NAT16: variants seen among roughly 807,000 people sequenced by gnomAD.
The protein encoded by NAT16 is probable N-acetyltransferase 16.
A neutral mutation model predicts 15.9 loss-of-function variants in NAT16; 16 were observed. That is an observed-to-expected ratio of 1.01 (90% confidence interval 0.68 to 1.53). NAT16 has a LOEUF of 1.53. Among genes scored for constraint, NAT16 ranks in the 40% most tolerant of loss-of-function variants. NAT16 has a pLI of 0.00. For missense variants in NAT16, 572 were observed against 508.4 expected (o/e 1.13, Z -1.20); for synonymous variants, 260 against 241.9 (o/e 1.07, Z -0.69).
chr7:101,173,945 G>T (rs1453587348), intron 2 of NAT16: 7 of 210,866 alleles, frequency 3.3e-5, no homozygotes, highest in Non-Finnish European at 5.6e-5. Flanking sequence ...GCCCAGGCTG[G>T]TCTGGAACTC....
At chr7:101,178,710 T>TAA (rs386410830) in intron 1 of NAT16, among the ~76,000 whole-genome samples, 28,039 of 72,558 alleles carry the variant, frequency 0.39, 6,767 homozygotes, top group Non-Finnish European at 0.5. Flanking sequence ...CTCTCTCTAC[T>TAA]AAAAAAAAAA....
In NAT16 at chr7:101,172,216, C is replaced by A. The variant is rs1282544886; in HGVS notation, c.973G>T (p.Val325Phe). Reference protein sequence around the residue: ...WHLQRQAPRLVGLNVMCQLFL... With the variant: ...WHLQRQAPRLFGLNVMCQLFL... ...AGCTGGCACATGACGTTGAGGCCAA[C>A]GAGGCGCGGGGCCTGGCGCTGCAGG... Residue 325 changes from valine (V) to phenylalanine (F), a missense_variant, in exon 4 of 4, where the codon GTT becomes TTT. Transcript: ENST00000300303. The surrounding 1 kb of genome is among the most constrained non-coding windows in gnomAD (Gnocchi z 4.2). 1.2e-6 allele frequency: 2 copies of A among 1,613,694 alleles called. No homozygotes were observed. Among genetic ancestry groups the A allele is most frequent in the Non-Finnish European group, 1.7e-6 (2 of 1,179,892 alleles).
chr7:101,179,308 C>G (rs1076276), intron 1 of NAT16: 78,710 of 149,260 alleles, frequency 0.53, 22,752 homozygotes, highest in Admixed American at 0.63. Flanking sequence ...GCAGGGAAGC[C>G]GGAGGAGGCT....
chr7:101,174,203 C>G (rs740106), intron 2 of NAT16: 29,239 of 503,714 alleles, frequency 0.058, 1,845 homozygotes, highest in African/African-American at 0.23. Flanking sequence ...CCTCTCTCTC[C>G]TGCTCCCCAC....
At chr7:101,175,529 T>G (rs1797444553) in intron 1 of NAT16, among the ~76,000 whole-genome samples, 1 of 151,442 alleles carries the variant, frequency 6.6e-6, no homozygotes, top group South Asian at 2.1e-4. Context: ...GGATGCTCCC[T>G]AACAGTCAGA....
chr7:101,175,453 C>T (rs1797443417), intron 1 of NAT16, among the ~76,000 whole-genome samples: 1 of 151,866 alleles, frequency 6.6e-6, no homozygotes, highest in African/African-American at 2.4e-5. Flanking sequence ...GAGTGGAGGT[C>T]TCCCAGCTCC....
intron 2 of NAT16, chr7:101,174,049 C>T: frequency 3.9e-6 from 1 of 254,510 alleles, no homozygotes; most frequent in Non-Finnish European, 7.4e-6. Flanking sequence ...TCTTGAGATG[C>T]TCCAGCTCCG....
chr7:101,172,890 G>A lies in NAT16; in HGVS notation c.538-239C>T, dbSNP rs948171691. The stretch of plus-strand genomic sequence containing the variant: ...AGTACGTGGATCCCCAAGAAGAGGT[G>A]GGATCAGTATGGAGTAGCCAGGGAA... On this transcript the variant is annotated intron_variant, in intron 3 of 3. Coordinates refer to ENST00000300303, the MANE Select transcript of NAT16 (RefSeq NM_198571.3). This position sits in a 1 kb window ranked among gnomAD's most constrained non-coding sequence, Gnocchi z 4.2. Among the ~76,000 whole-genome samples the A allele has an allele frequency of 1.3e-5, 2 of 152,160 alleles. No homozygotes were observed. The highest frequency in any genetic ancestry group is 1.3e-4 in the Admixed American group (2 of 15,286).
At chr7:101,173,245 C>G (rs1187800223) in intron 3 of NAT16, 51 bp downstream of exon 3, 1 of 1,505,130 alleles carries the variant, frequency 6.6e-7, no homozygotes, top group Non-Finnish European at 9.2e-7. Flanking sequence ...AGGGTCTCCC[C>G]ATATGCCCCA....
In NAT16 at chr7:101,179,616, T is replaced by C. The variant is rs551138971; in HGVS notation, c.-5+426A>G. Among the ~76,000 whole-genome samples, 6 of 109,770 alleles carry C rather than the reference T, an allele frequency of 5.5e-5. No homozygotes were observed. The South Asian group carries it at 2.1e-3, about 38-fold the overall frequency. The allele number at this position is 109,770 out of a possible 152,430, so 72.0% of individuals were successfully genotyped here. A position where few individuals can be genotyped will look rare whatever the true frequency, so the allele number is the denominator to read the frequency against. On this transcript the variant is annotated intron_variant, in intron 1 of 3. Transcript: ENST00000300303. Reference sequence around the variant, plus strand: ...GGGCAGAGGCAGGGGCCGAGGAAGATGGCCCAGCCAAAGGGGGTGGGGGGA... The same window carrying C: ...GGGCAGAGGCAGGGGCCGAGGAAGACGGCCCAGCCAAAGGGGGTGGGGGGA...
At position 101,172,525 on chromosome 7, in the gene NAT16, C is replaced by T. The variant is rs781324827; in HGVS notation, c.664G>A (p.Asp222Asn). The T allele has an allele frequency of 6.3e-7, 1 of 1,576,324 alleles. No individual in the cohort carries two copies. The highest frequency in any genetic ancestry group is 2.3e-5 in the East Asian group (1 of 42,866). ...PTEAVSEAGG[D>N]VARLLLSPSV... Reference sequence around the variant, plus strand: ...GGTGACAGCAGGAGGCGTGCCACGTCGCCGCCTGCCTCGGACACGGCCTCG... The same window carrying T: ...GGTGACAGCAGGAGGCGTGCCACGTTGCCGCCTGCCTCGGACACGGCCTCG... The change falls in exon 4 of 4, where the codon GAC (aspartate) becomes AAC (asparagine). Residue 222 changes from aspartate to asparagine, a missense_variant. Asp to Asn is a conservative substitution (Grantham distance 23). Transcript: ENST00000300303. This position sits in a 1 kb window ranked among gnomAD's most constrained non-coding sequence, Gnocchi z 4.2.
chr7:101,177,857 C>T (rs2116734335), intron 1 of NAT16, among the ~76,000 whole-genome samples: 1 of 152,320 alleles, frequency 6.6e-6, no homozygotes, highest in East Asian at 1.9e-4. Flanking sequence ...TGCCTGGAAC[C>T]AGCCCAAGCC....
chr7:101,176,909 T>A (rs1007740970), intron 1 of NAT16, among the ~76,000 whole-genome samples: 7 of 152,220 alleles, frequency 4.6e-5, no homozygotes, highest in East Asian at 3.8e-4. Flanking sequence ...TTTTATTTTT[T>A]TTTTTAACAA....
chr7:101,173,350 C>A lies in NAT16; in HGVS notation c.483G>T (p.Arg161=). The change falls in exon 3 of 4, where the codon CGG becomes CGT. Residue 161 remains arginine, a synonymous_variant. Transcript: ENST00000300303. ...GCTCCCGGGGGCCCAGCTGGTCGTCCCGGGTGAGCCGTGCCACCTTGACCC... is the reference window on the plus strand; with the variant it reads ...GCTCCCGGGGGCCCAGCTGGTCGTCACGGGTGAGCCGTGCCACCTTGACCC... ...HPGVKVARLT[R]DDQLGPRELK... is the part of the protein sequence containing the mutation. The A allele has an allele frequency of 6.2e-7, 1 of 1,614,070 alleles. No individual in the cohort carries two copies. Among genetic ancestry groups the A allele is most frequent in the Non-Finnish European group, 8.5e-7 (1 of 1,180,010 alleles).
chr7:101,172,327 G>T lies in NAT16; in HGVS notation c.862C>A (p.His288Asn). The change falls in exon 4 of 4, where the codon CAC becomes AAC. Residue 288 changes from histidine (H) to asparagine (N), a missense_variant. Coordinates refer to ENST00000300303, the MANE Select transcript of NAT16 (RefSeq NM_198571.3). This position sits in a 1 kb window ranked among gnomAD's most constrained non-coding sequence, Gnocchi z 4.2. ...TAGCGCCAAGTGCCGTCCCCTCCGT[G>T]CGGGATGGGGAAGGGGCGCGTGCAC... ...TLCTRPFPIP[H>N]GGDGTWRYLN... 6.2e-7 allele frequency: 1 copy of T among 1,605,498 alleles called. No homozygotes were observed.
chr7:101,175,957 T>G (rs1797456308), intron 1 of NAT16, among the ~76,000 whole-genome samples: 1 of 147,704 alleles, frequency 6.8e-6, no homozygotes, highest in African/African-American at 2.5e-5. Flanking sequence ...CCTTCAAGGA[T>G]CCCATCACCT....
chr7:101,179,706 G>A (rs549279506), intron 1 of NAT16, among the ~76,000 whole-genome samples: 1 of 151,880 alleles, frequency 6.6e-6, no homozygotes, highest in Admixed American at 6.6e-5. Flanking sequence ...CCGAGTGAGG[G>A]TCTTCCCTCT....
chr7:101,175,532 C>G (rs1028869747), intron 1 of NAT16, among the ~76,000 whole-genome samples: 2 of 151,850 alleles, frequency 1.3e-5, no homozygotes, highest in African/African-American at 4.8e-5. Context: ...TGCTCCCTAA[C>G]AGTCAGAAAC....
At chr7:101,173,781 TG>T in intron 2 of NAT16, 1 of 513,814 alleles carries the variant, frequency 1.9e-6, no homozygotes, top group Non-Finnish European at 3.4e-6. Context: ...TGGAGCGCAG[TG>T]GTGCTATCAC....
Sources: allele counts gnomAD v4.1 joint callset (sites outside exome capture counted in the v4.1 genomes callset), GRCh38; gene constraint gnomAD v4.1.1; non-coding constraint Gnocchi (gnomAD v3.1); transcripts MANE v1.5; gene names NCBI Gene and HGNC (gene_info 2026-07-23, HGNC 2026-07-21).